PRDM1: variants seen among roughly 807,000 people sequenced by gnomAD.
The protein encoded by PRDM1 is PR domain zinc finger protein 1.
In PRDM1, 13 loss-of-function variants were observed where a neutral mutation model predicts 62.8. The ratio of observed to expected loss-of-function variants is 0.21; its 90% CI spans 0.13 to 0.33. The LOEUF (loss-of-function observed/expected upper bound fraction) is 0.33. PRDM1 is among the 10% of genes least tolerant of loss of function. The probability of loss-of-function intolerance (pLI) is 1.00; values close to 1 mark genes in which losing one functional copy is unlikely to be tolerated. For missense variants in PRDM1, 895 were observed against 1,058.8 expected, an observed-to-expected ratio of 0.85 and a Z score of 2.15; for synonymous variants, 396 against 417.6, an observed-to-expected ratio of 0.95 and a Z score of 0.63.
upstream of PRDM1, among the ~76,000 whole-genome samples, chr6:106,048,157 T>A (rs964851767): frequency 3.3e-5 from 5 of 150,446 alleles, no homozygotes; most frequent in African/African-American, 1.2e-4. Flanking sequence ...GGCAGGAGGA[T>A]TGCTTGAAGC....
At chr6:106,096,855 GT>G (rs1279962451) in intron 3 of PRDM1, among the ~76,000 whole-genome samples, 1 of 152,040 alleles carries the variant, frequency 6.6e-6, no homozygotes, top group East Asian at 1.9e-4. Flanking sequence ...TTTAGTAAGC[GT>G]TTTTTTGTGC....
intron 1 of PRDM1, among the ~76,000 whole-genome samples, chr6:106,038,444 G>C (rs1389812434): frequency 6.6e-6 from 1 of 152,182 alleles, no homozygotes; most frequent in East Asian, 1.9e-4. Context: ...CTCCTTCTAT[G>C]CATTGCTTTT....
intron 3 of PRDM1, 107 bp from the exon 4 acceptor site, chr6:106,099,193 G>A (rs2114637526): frequency 1.9e-6 from 3 of 1,601,522 alleles, no homozygotes; most frequent in African/African-American, 1.3e-5. Context: ...TAACTAGGCA[G>A]TAGGGGATCA....
chr6:106,042,098 A>T (rs951033746), intron 1 of PRDM1, among the ~76,000 whole-genome samples: 13 of 150,670 alleles, frequency 8.6e-5, no homozygotes, highest in African/African-American at 2.9e-4. Context: ...ATGAGCCACC[A>T]TGCCCAGCCC....
chr6:106,108,049 G>C lies in PRDM1; in HGVS notation c.*563G>C. The stretch of plus-strand genomic sequence containing the variant: ...CAGTCAACCTCTCTCTCTAATAATG[G>C]TTTGAAAATGAGGTTTGGGTAATTG... On this transcript the variant is annotated 3_prime_UTR_variant, in exon 7 of 7. Coordinates refer to ENST00000369096, the MANE Select transcript of PRDM1 (RefSeq NM_001198.4). 4.3e-6 allele frequency: 1 copy of C among 233,060 alleles called. No homozygotes were observed. The highest frequency in any genetic ancestry group is 8.5e-6 in the Non-Finnish European group (1 of 117,680). The allele number at this position is 233,060 out of a possible 1,614,324, so 14.4% of individuals were successfully genotyped here. A position where few individuals can be genotyped will look rare whatever the true frequency, so the allele number is the denominator to read the frequency against.
intron 1 of PRDM1, among the ~76,000 whole-genome samples, chr6:106,014,949 C>T (rs1207356868): frequency 6.6e-6 from 1 of 152,086 alleles, no homozygotes; most frequent in African/African-American, 2.4e-5. Context: ...GACACAGGGA[C>T]ATAATAAGTT....
chr6:106,087,973 C>A, intron 1 of PRDM1: 2 of 274,500 alleles, frequency 7.3e-6, no homozygotes, highest in Non-Finnish European at 6.5e-6. Flanking sequence ...AGTGAGGTTG[C>A]CACATTCTTT....
At chr6:106,076,068 C>T (rs1477390685) in intron 1 of PRDM1, among the ~76,000 whole-genome samples, 1 of 152,096 alleles carries the variant, frequency 6.6e-6, no homozygotes, top group Non-Finnish European at 1.5e-5. Context: ...CCTCCAACCT[C>T]AGCCTCCCGA....
At chr6:106,005,227 G>A (rs1378417795) in intron 1 of PRDM1, among the ~76,000 whole-genome samples, 1 of 152,204 alleles carries the variant, frequency 6.6e-6, no homozygotes, top group East Asian at 1.9e-4. Context: ...TAATGAAGCC[G>A]AAAGTGACTT....
intron 1 of PRDM1, among the ~76,000 whole-genome samples, chr6:106,069,318 G>C (rs1006051164): frequency 3.9e-5 from 6 of 151,928 alleles, no homozygotes; most frequent in African/African-American, 1.5e-4. Flanking sequence ...TGCTAAAACT[G>C]CCTGATGACA....
intron 1 of PRDM1, among the ~76,000 whole-genome samples, chr6:106,017,878 A>G (rs1772643104): frequency 6.6e-6 from 1 of 151,444 alleles, no homozygotes; most frequent in African/African-American, 2.4e-5. Context: ...GGTCAGGGGG[A>G]GTGTGGGTGG....
chr6:106,003,050 A>G (rs1156748766), intron 1 of PRDM1, among the ~76,000 whole-genome samples: 1 of 152,348 alleles, frequency 6.6e-6, no homozygotes. Flanking sequence ...CAAGTTAAGA[A>G]AGACCAAGAT....
chr6:106,073,411 G>A (rs1049561050), intron 1 of PRDM1, among the ~76,000 whole-genome samples: 10 of 151,986 alleles, frequency 6.6e-5, no homozygotes, highest in East Asian at 1.9e-4. Flanking sequence ...CACAGCACCC[G>A]GCCTCAATTT....
At chr6:106,050,657 G>A (rs1216565655) in intron 1 of PRDM1, among the ~76,000 whole-genome samples, 1 of 152,152 alleles carries the variant, frequency 6.6e-6, no homozygotes, top group Admixed American at 6.5e-5. Flanking sequence ...CCTCACCACA[G>A]AAGGCTGTTT....
upstream of PRDM1, among the ~76,000 whole-genome samples, chr6:106,085,440 G>T (rs1434558890): frequency 6.6e-6 from 1 of 152,192 alleles, no homozygotes; most frequent in Admixed American, 6.5e-5. Flanking sequence ...AAAGCATCTG[G>T]TTTGTTTTGT....
chr6:106,001,552 C>T (rs1409713830), intron 1 of PRDM1, among the ~76,000 whole-genome samples: 16 of 152,154 alleles, frequency 1.1e-4, no homozygotes, highest in Admixed American at 9.8e-4. Flanking sequence ...TTTTACTCTA[C>T]CAAGTGGATA....
chr6:106,054,367 G>A (rs556580060), intron 1 of PRDM1, among the ~76,000 whole-genome samples: 1 of 152,122 alleles, frequency 6.6e-6, no homozygotes, highest in African/African-American at 2.4e-5. Flanking sequence ...GTATAAAACT[G>A]AAAATCAGAT....
chr6:106,037,915 T>A (rs974756945), intron 1 of PRDM1, among the ~76,000 whole-genome samples: 8 of 151,652 alleles, frequency 5.3e-5, no homozygotes, highest in African/African-American at 1.9e-4. Context: ...TGTTTCTTTA[T>A]GTGTCTTGTG....
intron 1 of PRDM1, among the ~76,000 whole-genome samples, chr6:106,063,448 C>T (rs1324318490): frequency 2.0e-5 from 3 of 152,184 alleles, no homozygotes; most frequent in African/African-American, 7.2e-5. Context: ...GTTTTCTCCT[C>T]ATTTTCAGGT....
Sources: gnomAD v4.1 joint callset for allele counts (sites outside exome capture counted in the v4.1 genomes callset) on GRCh38, gnomAD v4.1.1 for gene constraint, MANE v1.5 for transcripts, NCBI Gene and HGNC (gene_info 2026-07-23, HGNC 2026-07-21) for gene names.